The following CARMIL1 variants were observed in gnomAD, a reference collection of about 807,000 sequenced individuals.
CARMIL1 encodes the protein capping protein regulator and myosin 1 linker 1, also known as F-actin-uncapping protein LRRC16A.
In CARMIL1, 90 loss-of-function variants were observed where a neutral mutation model predicts 177.1. The ratio of observed to expected loss-of-function variants is 0.51; its 90% CI spans 0.43 to 0.61. The LOEUF (loss-of-function observed/expected upper bound fraction) is 0.61, where lower values mean the gene tolerates loss of function less well. Ranked by LOEUF, CARMIL1 falls within the 20% of genes least tolerant of loss-of-function variation. The pLI, the probability that CARMIL1 is intolerant of heterozygous loss-of-function variation, is 0.00. For synonymous variants in CARMIL1, 577 were observed against 606.2 expected (o/e 0.95, Z 0.71); for missense variants, 1,380 against 1,667.0 (o/e 0.83, Z 3.00).
chr6:25,549,986 T>C (rs911849080), intron 26 of CARMIL1, among the ~76,000 whole-genome samples: 1 of 152,214 alleles, frequency 6.6e-6, no homozygotes, highest in Non-Finnish European at 1.5e-5. Flanking sequence ...ACGTTTTTAT[T>C]GTCATTTTAT....
chr6:25,398,165 AT>A (rs560359655), intron 2 of CARMIL1, among the ~76,000 whole-genome samples: 9 of 152,142 alleles, frequency 5.9e-5, no homozygotes, highest in Non-Finnish European at 1.2e-4. Context: ...GTAATTTTAT[AT>A]TTTTCTGGTA....
At chr6:25,603,847 C>T (rs1320230078) in intron 33 of CARMIL1, among the ~76,000 whole-genome samples, 1 of 151,962 alleles carries the variant, frequency 6.6e-6, no homozygotes, top group African/African-American at 2.4e-5. Flanking sequence ...CTACTCCTAC[C>T]CCAAGACAGT....
In CARMIL1 at chr6:25,577,003, T is replaced by G. The variant is rs1812648673; in HGVS notation, c.2743-3921T>G. 1 of 985,298 alleles carries G rather than the reference T, an allele frequency of 1.0e-6. No individual in the cohort carries two copies. The highest frequency in any genetic ancestry group is 1.2e-6 in the Non-Finnish European group (1 of 829,946). The allele number at this position is 985,298 out of a possible 1,614,324, so 61.0% of individuals were successfully genotyped here. On this transcript the variant is annotated intron_variant, in intron 29 of 36. Transcript: ENST00000329474. This position sits in a 1 kb window ranked among gnomAD's most constrained non-coding sequence, Gnocchi z 4.5. ...TCTCTGCTGTACAAGTGTAAGTATT[T>G]TTTGGTGGCTCTGCGGTTTCTGGCT... is the stretch of plus-strand genomic sequence containing the variant.
chr6:25,578,764 T>C (rs561937003), intron 29 of CARMIL1, among the ~76,000 whole-genome samples: 35 of 152,276 alleles, frequency 2.3e-4, no homozygotes, highest in African/African-American at 7.5e-4. Flanking sequence ...CAAGATATGA[T>C]AGGTATAGAT....
intron 2 of CARMIL1, among the ~76,000 whole-genome samples, chr6:25,372,871 C>T (rs986168034): frequency 1.3e-5 from 2 of 152,154 alleles, no homozygotes; most frequent in Non-Finnish European, 2.9e-5. Flanking sequence ...ATGATGTTGG[C>T]TGTGAGTCTG....
chr6:25,414,284 G>A (rs993907430), intron 2 of CARMIL1, among the ~76,000 whole-genome samples: 4 of 152,168 alleles, frequency 2.6e-5, no homozygotes, highest in African/African-American at 9.7e-5. Flanking sequence ...ATTCAAGCTA[G>A]TAGATTGACC....
chr6:25,592,544 G>T (rs1814424360), intron 31 of CARMIL1, among the ~76,000 whole-genome samples: 1 of 152,162 alleles, frequency 6.6e-6, no homozygotes, highest in Non-Finnish European at 1.5e-5. Context: ...GATGAGAGGT[G>T]TAATTGTTAT....
chr6:25,530,578 G>A (rs1807658078), intron 24 of CARMIL1, among the ~76,000 whole-genome samples: 1 of 152,144 alleles, frequency 6.6e-6, no homozygotes, highest in African/African-American at 2.4e-5. Context: ...AGACGTAAAC[G>A]AGGTAATGTC....
chr6:25,590,238 C>CT (rs945478214), intron 31 of CARMIL1, among the ~76,000 whole-genome samples: 11 of 151,794 alleles, frequency 7.2e-5, no homozygotes, highest in African/African-American at 2.4e-4. Context: ...TAGTTTGATT[C>CT]TTTTTTTTCG....
chr6:25,455,365 A>T (rs1034130983), intron 8 of CARMIL1, among the ~76,000 whole-genome samples: 1 of 152,136 alleles, frequency 6.6e-6, no homozygotes, highest in Non-Finnish European at 1.5e-5. Flanking sequence ...CATTTGTAAC[A>T]GTCCTTAAAA....
chr6:25,603,045 T>C (rs1815591662), intron 33 of CARMIL1, among the ~76,000 whole-genome samples: 1 of 152,218 alleles, frequency 6.6e-6, no homozygotes, highest in Non-Finnish European at 1.5e-5. Context: ...GATTTATAAA[T>C]AACTTTAAAA....
intron 2 of CARMIL1, among the ~76,000 whole-genome samples, chr6:25,374,950 G>T (rs191225826): frequency 1.3e-5 from 2 of 152,182 alleles, no homozygotes; most frequent in Non-Finnish European, 2.9e-5. Context: ...GCAGATATTC[G>T]ATTTGTAACT....
rs1196983857 is a variant in CARMIL1, at chr6:25,554,349, T to C, written c.2592+253T>C. On this transcript the variant is annotated intron_variant, in intron 28 of 36. Coordinates refer to ENST00000329474, the MANE Select transcript of CARMIL1 (RefSeq NM_017640.6). This position sits in a 1 kb window ranked among gnomAD's most constrained non-coding sequence, Gnocchi z 4.6. ...TCCAGAAATCTTATTGTTCATTTAT[T>C]ATAAAGGTCAAAAGCTTGGGGAAGA... Among the ~76,000 whole-genome samples, 1 of 152,248 alleles carries C rather than the reference T, an allele frequency of 6.6e-6. No homozygotes were observed. The highest frequency in any genetic ancestry group is 1.9e-4 in the East Asian group (1 of 5,202).
At chr6:25,606,665 G>A (rs1447054194) in intron 35 of CARMIL1, among the ~76,000 whole-genome samples, 1 of 152,170 alleles carries the variant, frequency 6.6e-6, no homozygotes, top group Non-Finnish European at 1.5e-5. Context: ...GGCTACAAAT[G>A]GGGAAAGCAC....
intron 23 of CARMIL1, among the ~76,000 whole-genome samples, chr6:25,526,244 G>A (rs1341499788): frequency 6.6e-6 from 1 of 152,002 alleles, no homozygotes; most frequent in Non-Finnish European, 1.5e-5. Flanking sequence ...TCGGGAGGCT[G>A]AGGCGGGAGA....
intron 26 of CARMIL1, among the ~76,000 whole-genome samples, chr6:25,549,907 T>C (rs1809906263): frequency 6.6e-6 from 1 of 152,246 alleles, no homozygotes. Flanking sequence ...TCTTACTGTG[T>C]GCTAGACACT....
chr6:25,603,330 G>A (rs1815617477), intron 33 of CARMIL1, among the ~76,000 whole-genome samples: 2 of 152,194 alleles, frequency 1.3e-5, no homozygotes, highest in African/African-American at 4.8e-5. Flanking sequence ...TGTGTTAGCT[G>A]CAGTGCTTGT....
At chr6:25,520,441 A>G in intron 23 of CARMIL1, 104 bp downstream of exon 23, 1 of 676,596 alleles carries the variant, frequency 1.5e-6, no homozygotes, top group East Asian at 2.8e-5. Context: ...AGTTTTTTTA[A>G]ATTTTATTTT....
chr6:25,461,240 A>C (rs1800090284), intron 8 of CARMIL1, among the ~76,000 whole-genome samples: 1 of 152,224 alleles, frequency 6.6e-6, no homozygotes, highest in South Asian at 2.1e-4. Flanking sequence ...TGCAGAAATT[A>C]ACTTTCTGAA....
Sources: gnomAD v4.1 joint callset for allele counts (sites outside exome capture counted in the v4.1 genomes callset) on GRCh38, gnomAD v4.1.1 for gene constraint, Gnocchi (gnomAD v3.1) non-coding constraint, MANE v1.5 for transcripts, NCBI Gene and HGNC (gene_info 2026-07-23, HGNC 2026-07-21) for gene names.